Variants in CD8B observed in about 807,000 individuals in gnomAD.
CD8B encodes the protein T-cell surface glycoprotein CD8 beta chain.
Under a neutral mutation model 24.2 loss-of-function variants are expected in CD8B, and 6 were observed. The observed-to-expected ratio is 0.25, with a 90% CI of 0.14 to 0.49. CD8B has a LOEUF of 0.49. Among genes scored for constraint, CD8B ranks in the 20% least tolerant of loss-of-function variants. The pLI, the probability that CD8B is intolerant of heterozygous loss-of-function variation, is 0.98. For synonymous variants in CD8B, 84 were observed against 108.3 expected (o/e 0.78, Z 1.39); for missense variants, 196 against 271.3 (o/e 0.72, Z 1.95).
At chr2:86,861,801 AG>A in intron 1 of CD8B, 21 bp downstream of exon 1, 3 of 1,272,638 alleles carry the variant, frequency 2.4e-6, no homozygotes, top group Non-Finnish European at 3.0e-6. Flanking sequence ...ACCCTTGGGT[AG>A]CCCGCGCGCC....
intron 2 of CD8B, among the ~76,000 whole-genome samples, chr2:86,853,484 C>T (rs1253782808): frequency 6.6e-6 from 1 of 151,902 alleles, no homozygotes; most frequent in East Asian, 1.9e-4. Flanking sequence ...TGTCTTACAT[C>T]CAAGTACTGA....
chr2:86,848,669 C>G (rs1223347752), intron 3 of CD8B, among the ~76,000 whole-genome samples: 1 of 110,782 alleles, frequency 9.0e-6, no homozygotes, highest in African/African-American at 3.5e-5. Context: ...AAACTCCCAT[C>G]TTGTGAGGAA....
chr2:86,846,381 T>C (rs1366786590), intron 4 of CD8B, among the ~76,000 whole-genome samples: 1 of 152,006 alleles, frequency 6.6e-6, no homozygotes, highest in South Asian at 2.1e-4. Flanking sequence ...ACAGCAACTC[T>C]GGGAGGTAGC....
chr2:86,815,660 T>C (rs779424600), exon 6 of CD8B: 4 of 1,613,874 alleles, frequency 2.5e-6, no homozygotes, highest in Non-Finnish European at 3.4e-6. Context: ...GTAGTATTGC[T>C]GTAGTATCCA....
At chr2:86,854,130 TAAC>T (rs1231568182) in intron 2 of CD8B, among the ~76,000 whole-genome samples, 1 of 152,138 alleles carries the variant, frequency 6.6e-6, no homozygotes, top group African/African-American at 2.4e-5. Flanking sequence ...GAAATAATGA[TAAC>T]TGCCACCTCC....
chr2:86,847,135 T>G (rs1440510328), intron 3 of CD8B, among the ~76,000 whole-genome samples: 4 of 151,636 alleles, frequency 2.6e-5, no homozygotes, highest in Non-Finnish European at 5.9e-5. Flanking sequence ...GAGGGTTTTA[T>G]CATGTTGGCC....
intron 3 of CD8B, among the ~76,000 whole-genome samples, chr2:86,849,279 G>A (rs1339437622): frequency 6.6e-6 from 1 of 151,980 alleles, no homozygotes; most frequent in Non-Finnish European, 1.5e-5. Context: ...GGATGGCTGG[G>A]GTGTGGAGAG....
chr2:86,857,782 C>A (rs1312966198), intron 2 of CD8B, among the ~76,000 whole-genome samples: 1 of 152,110 alleles, frequency 6.6e-6, no homozygotes, highest in East Asian at 1.9e-4. Flanking sequence ...CTGACTCTGG[C>A]CCGTCTCTTC....
rs550352828 is a variant in CD8B, at chr2:86,848,374, T to C, written c.494-1601A>G. Among the ~76,000 whole-genome samples, 41 of 152,314 alleles carry C rather than the reference T, an allele frequency of 2.7e-4. No homozygotes were observed. In the South Asian group the frequency reaches 8.3e-3, roughly 31 times the overall value. On this transcript the variant is annotated intron_variant, in intron 3 of 5. Coordinates refer to ENST00000390655, the MANE Select transcript of CD8B (RefSeq NM_004931.5). ...TGGCCTATTTTCATATATTGGGAAC[T>C]TGTATGATTTTTCTTCTACGAGTTG...
chr2:86,846,522 C>T (rs4971892), intron 4 of CD8B, among the ~76,000 whole-genome samples, 162 bp downstream of exon 4: 26,027 of 152,070 alleles, frequency 0.17, 2,457 homozygotes, highest in Admixed American at 0.22. Context: ...GTTTTGGCTG[C>T]GTAGCCCCAG....
chr2:86,825,529 G>A (rs565461035), intron 5 of CD8B, among the ~76,000 whole-genome samples: 2 of 152,324 alleles, frequency 1.3e-5, no homozygotes, highest in African/African-American at 2.4e-5. Context: ...CGGTTGCTGT[G>A]ATCACGATGG....
chr2:86,834,902 C>A (rs1675111593), downstream of CD8B, among the ~76,000 whole-genome samples: 1 of 147,948 alleles, frequency 6.8e-6, no homozygotes. Context: ...TGCCACTGCA[C>A]TCCAGCCTGG....
chr2:86,843,511 A>G (rs1675532183), intron 5 of CD8B: 1 of 963,146 alleles, frequency 1.0e-6, no homozygotes, highest in East Asian at 1.1e-4. Context: ...ACACAATTAA[A>G]ATATCATTGA....
intron 3 of CD8B, among the ~76,000 whole-genome samples, chr2:86,848,816 A>C (rs1675825082): frequency 1.3e-5 from 2 of 151,694 alleles, no homozygotes; most frequent in South Asian, 4.1e-4. Flanking sequence ...TCCTGGGTTC[A>C]AGCGATTCTC....
intron 5 of CD8B, among the ~76,000 whole-genome samples, chr2:86,824,247 G>C (rs1674591615): frequency 6.6e-6 from 1 of 152,136 alleles, no homozygotes; most frequent in Admixed American, 6.5e-5. Context: ...GCCAGGTACT[G>C]TGAGGTGCTT....
chr2:86,833,269 A>G (rs1276433634), downstream of CD8B, among the ~76,000 whole-genome samples: 1 of 144,468 alleles, frequency 6.9e-6, no homozygotes, highest in African/African-American at 2.6e-5. Flanking sequence ...ATCTTGGCTC[A>G]CTGCAACCTC....
At chr2:86,826,715 C>T (rs1187748284) in intron 5 of CD8B, among the ~76,000 whole-genome samples, 8 of 152,064 alleles carry the variant, frequency 5.3e-5, no homozygotes, top group African/African-American at 1.5e-4. Context: ...GTCGCTCTCG[C>T]CCAAGTACAC....
chr2:86,816,596 T>A (rs185716386), intron 5 of CD8B, among the ~76,000 whole-genome samples: 1 of 152,220 alleles, frequency 6.6e-6, no homozygotes, highest in East Asian at 1.9e-4. Flanking sequence ...GATGTGAACA[T>A]GTTGGAGATG....
At chr2:86,846,307 CTCACGTGAGT>C (rs1675671160) in intron 4 of CD8B, among the ~76,000 whole-genome samples, 1 of 152,172 alleles carries the variant, frequency 6.6e-6, no homozygotes, top group African/African-American at 2.4e-5. Flanking sequence ...GTCTCAACTG[CTCACGTGAGT>C]TCCCACTCAC....
Sources: allele counts gnomAD v4.1 joint callset (sites outside exome capture counted in the v4.1 genomes callset), GRCh38; gene constraint gnomAD v4.1.1; transcripts MANE v1.5; gene names NCBI Gene and HGNC (gene_info 2026-07-23, HGNC 2026-07-21).